The following CERS3 variants were observed in gnomAD, a reference collection of about 807,000 sequenced individuals.
CERS3 encodes the protein LAG1 homolog, ceramide synthase 3.
In CERS3, 33 loss-of-function variants were observed where a neutral mutation model predicts 50.3. That is an observed-to-expected ratio of 0.66 (90% CI 0.50 to 0.88). The LOEUF (loss-of-function observed/expected upper bound fraction) is 0.88. Among genes scored for constraint, CERS3 ranks in the 40% least tolerant of loss-of-function variants. The pLI, the probability that CERS3 is intolerant of heterozygous loss-of-function variation, is 0.00. For synonymous variants in CERS3, 176 were observed against 155.2 expected, an observed-to-expected ratio of 1.13 and a Z score of -0.99; for missense variants, 470 against 460.3, an observed-to-expected ratio of 1.02 and a Z score of -0.19.
intron 1 of CERS3, among the ~76,000 whole-genome samples, chr15:100,524,095 T>C (rs2036717100): frequency 6.6e-6 from 1 of 152,218 alleles, no homozygotes; most frequent in African/African-American, 2.4e-5. Flanking sequence ...TGGTCTATTG[T>C]TCCCTAGTTG....
At chr15:100,456,162 C>T (rs1011978500) in intron 10 of CERS3, 116 bp from the exon 11 acceptor site, 1 of 618,924 alleles carries the variant, frequency 1.6e-6, no homozygotes, top group African/African-American at 1.9e-5. Context: ...TCTAATAAAG[C>T]CCAGAAAATT....
chr15:100,533,183 C>G (rs1204262155), upstream of CERS3, among the ~76,000 whole-genome samples: 1 of 152,182 alleles, frequency 6.6e-6, no homozygotes, highest in South Asian at 2.1e-4. Context: ...TCCAGACTCA[C>G]CTGGGGGCCT....
At chr15:100,432,952 T>G (rs1420574450) in intron 11 of CERS3, among the ~76,000 whole-genome samples, 1 of 152,058 alleles carries the variant, frequency 6.6e-6, no homozygotes, top group Non-Finnish European at 1.5e-5. Flanking sequence ...TAAAAATAGT[T>G]CAGGCCGGGT....
chr15:100,418,480 A>G (rs1243160756), intron 11 of CERS3, among the ~76,000 whole-genome samples: 21 of 148,732 alleles, frequency 1.4e-4, no homozygotes, highest in African/African-American at 3.5e-4. Flanking sequence ...GTGATGGGGA[A>G]AATGGAACCA....
At chr15:100,491,427 T>C (rs899977462) in intron 3 of CERS3, among the ~76,000 whole-genome samples, 13 of 152,122 alleles carry the variant, frequency 8.5e-5, no homozygotes, top group Non-Finnish European at 1.9e-4. Context: ...AACTGGCAAG[T>C]TGTTTTCCAA....
chr15:100,466,840 C>CCTCTCTCCCTCTCT (rs1162475657), intron 10 of CERS3, among the ~76,000 whole-genome samples: 1 of 28,256 alleles, frequency 3.5e-5, no homozygotes. Flanking sequence ...TCCCTCTCTC[C>CCTCTCTCCCTCTCT]CTCTCTCTTT....
chr15:100,485,580 T>A (rs1254258392), intron 4 of CERS3, among the ~76,000 whole-genome samples: 1 of 152,156 alleles, frequency 6.6e-6, no homozygotes, highest in Admixed American at 6.5e-5. Context: ...CAAGTAAGAA[T>A]AAGAAATATT....
chr15:100,490,410 A>G lies in CERS3; in HGVS notation c.288+407T>C, dbSNP rs1341453050. Among the ~76,000 whole-genome samples the G allele has an allele frequency of 2.0e-5, 3 of 152,178 alleles. No individual in the cohort carries two copies. In the East Asian group the frequency reaches 5.8e-4, roughly 29 times the overall value. The stretch of plus-strand genomic sequence containing the variant: ...AGCGACCCCAATGAACATTTTCATA[A>G]TGTGTGTAATGTATTTTGATGATGC... On this transcript the variant is annotated intron_variant, in intron 4 of 11. Transcript: ENST00000679737.
At chr15:100,526,255 C>T (rs939209989) in intron 1 of CERS3, among the ~76,000 whole-genome samples, 10 of 152,346 alleles carry the variant, frequency 6.6e-5, no homozygotes, top group Admixed American at 3.9e-4. Flanking sequence ...ATCTTTGCAT[C>T]GCATCCCATA....
chr15:100,531,533 A>G (rs1343917668), upstream of CERS3, among the ~76,000 whole-genome samples: 1 of 152,206 alleles, frequency 6.6e-6, no homozygotes, highest in African/African-American at 2.4e-5. Flanking sequence ...AGGGCAGGAA[A>G]TAGGCTGTGT....
chr15:100,502,267 A>AAAAAAAAAAAAAG (rs2036033219), intron 2 of CERS3, among the ~76,000 whole-genome samples: 16 of 109,290 alleles, frequency 1.5e-4, no homozygotes, highest in Admixed American at 3.5e-4. Context: ...AAAAAAAAAA[A>AAAAAAAAAAAAAG]AAAGAAAGAA....
At chr15:100,473,907 G>A (rs1180281181) in intron 8 of CERS3, among the ~76,000 whole-genome samples, 2 of 152,198 alleles carry the variant, frequency 1.3e-5, no homozygotes, top group Non-Finnish European at 2.9e-5. Context: ...ATAAGAGGAT[G>A]AATAAAATGC....
intron 11 of CERS3, among the ~76,000 whole-genome samples, chr15:100,420,568 C>T (rs998474089): frequency 9.2e-5 from 14 of 151,934 alleles, no homozygotes; most frequent in African/African-American, 3.4e-4. Context: ...GGGAATCCTC[C>T]CTAACTCATT....
At chr15:100,457,124 C>T (rs1596694662) in intron 10 of CERS3, among the ~76,000 whole-genome samples, 1 of 152,200 alleles carries the variant, frequency 6.6e-6, no homozygotes, top group South Asian at 2.1e-4. Context: ...ACACCATCAC[C>T]TTAAACAAAC....
chr15:100,442,356 CA>C (rs2142155876), intron 11 of CERS3, among the ~76,000 whole-genome samples: 1 of 152,284 alleles, frequency 6.6e-6, no homozygotes, highest in South Asian at 2.1e-4. Context: ...CCTTTAACCC[CA>C]CAACAGGATT....
In CERS3 at chr15:100,432,366, T is replaced by C. The variant is rs187305831; in HGVS notation, c.999+23527A>G. Among the ~76,000 whole-genome samples the C allele has an allele frequency of 3.1e-3, 470 of 152,272 alleles. 1 individual carries two copies. The highest frequency in any genetic ancestry group is 0.011 in the African/African-American group (448 of 41,558). ...CAAAATGAAGTTTAACAAAAAGAAA[T>C]ATAACTTCCAACAAAAACGAAAAAC... On this transcript the variant is annotated intron_variant, in intron 11 of 11. Coordinates refer to ENST00000679737, the MANE Select transcript of CERS3 (RefSeq NM_001378789.1).
intron 11 of CERS3, among the ~76,000 whole-genome samples, chr15:100,407,144 A>G (rs2031105994): frequency 6.6e-6 from 1 of 152,214 alleles, no homozygotes; most frequent in Non-Finnish European, 1.5e-5. Context: ...AAACCATATC[A>G]GAGGGGAAAC....
At chr15:100,439,291 G>A (rs1251738435) in intron 11 of CERS3, among the ~76,000 whole-genome samples, 3 of 152,206 alleles carry the variant, frequency 2.0e-5, no homozygotes, top group Non-Finnish European at 4.4e-5. Flanking sequence ...TATTTTAAAA[G>A]TATAATCACC....
chr15:100,499,261 A>G (rs2035926425), intron 3 of CERS3, among the ~76,000 whole-genome samples: 1 of 152,202 alleles, frequency 6.6e-6, no homozygotes, highest in African/African-American at 2.4e-5. Context: ...TGAGCAGGTT[A>G]GGTTTCTTTT....
Sources: gnomAD v4.1 joint callset for allele counts (sites outside exome capture counted in the v4.1 genomes callset) on GRCh38, gnomAD v4.1.1 for gene constraint, MANE v1.5 for transcripts, NCBI Gene and HGNC (gene_info 2026-07-23, HGNC 2026-07-21) for gene names.